The following ZBTB20 variants were observed in gnomAD, a reference collection of about 807,000 sequenced individuals.
ZBTB20 encodes zinc finger and BTB domain-containing protein 20.
A neutral mutation model predicts 56.9 loss-of-function variants in ZBTB20; 9 were observed. That is an observed-to-expected ratio of 0.16 (90% CI 0.10 to 0.28). ZBTB20 has a LOEUF of 0.28. ZBTB20 is among the 10% of genes least tolerant of loss of function. The probability of loss-of-function intolerance (pLI) is 1.00; values close to 1 mark genes in which losing one functional copy is unlikely to be tolerated. For synonymous variants in ZBTB20, 417 were observed against 420.7 expected (o/e 0.99, Z 0.11); for missense variants, 655 against 1,003.0 (o/e 0.65, Z 4.69).
intron 6 of ZBTB20, among the ~76,000 whole-genome samples, chr3:114,579,104 T>C (rs1373994617): frequency 6.6e-6 from 1 of 151,738 alleles, no homozygotes; most frequent in African/African-American, 2.4e-5. Flanking sequence ...CACAGTTCAG[T>C]ATACACAAAA....
intron 6 of ZBTB20, among the ~76,000 whole-genome samples, chr3:114,608,733 T>C (rs2057345818): frequency 6.6e-6 from 1 of 152,236 alleles, no homozygotes; most frequent in Admixed American, 6.5e-5. Flanking sequence ...GTATCAATTC[T>C]AATGTGTTCA....
chr3:115,045,321 T>C (rs950895746), intron 2 of ZBTB20, among the ~76,000 whole-genome samples: 1 of 152,162 alleles, frequency 6.6e-6, no homozygotes, highest in African/African-American at 2.4e-5. Context: ...TTTACATATA[T>C]ATGAAACATT....
At chr3:114,420,681 T>C (rs1028475291) in intron 7 of ZBTB20, among the ~76,000 whole-genome samples, 2 of 152,056 alleles carry the variant, frequency 1.3e-5, no homozygotes, top group African/African-American at 4.8e-5. Context: ...GGGGCACAAC[T>C]AGGGAAAGGG....
chr3:114,400,013 A>T (rs1307849744), intron 7 of ZBTB20, among the ~76,000 whole-genome samples: 1 of 152,186 alleles, frequency 6.6e-6, no homozygotes, highest in Non-Finnish European at 1.5e-5. Flanking sequence ...TAAGCGGGCT[A>T]GCTAATGAGT....
chr3:114,672,828 A>G (rs1295753525), intron 6 of ZBTB20, among the ~76,000 whole-genome samples: 1 of 152,148 alleles, frequency 6.6e-6, no homozygotes, highest in Non-Finnish European at 1.5e-5. Context: ...GATTGGGACT[A>G]ACAATTCTTC....
chr3:114,850,409 C>T (rs13099787), intron 4 of ZBTB20, among the ~76,000 whole-genome samples: 1 of 152,208 alleles, frequency 6.6e-6, no homozygotes, highest in African/African-American at 2.4e-5. Context: ...TGAGATACTT[C>T]ATCTTAACTA....
intron 2 of ZBTB20, among the ~76,000 whole-genome samples, chr3:115,058,224 T>G (rs2081883259): frequency 6.6e-6 from 1 of 152,190 alleles, no homozygotes; most frequent in Non-Finnish European, 1.5e-5. Context: ...TCTTCTAGTT[T>G]ATATTGTTTC....
chr3:114,383,574 T>C (rs908347069), intron 8 of ZBTB20: 6 of 152,120 alleles, frequency 3.9e-5, no homozygotes, highest in Non-Finnish European at 1.5e-5. Context: ...AACTCAACCT[T>C]TTTGGCTCAC....
chr3:114,402,956 C>G (rs187678221), intron 7 of ZBTB20, among the ~76,000 whole-genome samples: 1 of 152,078 alleles, frequency 6.6e-6, no homozygotes, highest in Admixed American at 6.6e-5. Flanking sequence ...GTGTCTGGCA[C>G]CTAAGCAAGG....
intron 3 of ZBTB20, among the ~76,000 whole-genome samples, chr3:114,905,804 T>G (rs1238345615): frequency 6.6e-6 from 1 of 151,842 alleles, no homozygotes; most frequent in African/African-American, 2.4e-5. Flanking sequence ...CTCGTTAGTT[T>G]GGCCCCACAT....
intron 4 of ZBTB20, among the ~76,000 whole-genome samples, chr3:114,834,769 T>TTC (rs1226902649): frequency 1.5e-4 from 23 of 152,114 alleles, no homozygotes. Context: ...AAGAGTCCCG[T>TTC]TCTTTGTCTG....
intron 3 of ZBTB20, among the ~76,000 whole-genome samples, chr3:114,944,133 G>C (rs1339501945): frequency 6.9e-6 from 1 of 144,956 alleles, no homozygotes; most frequent in Non-Finnish European, 1.5e-5. Context: ...CCAAACAACA[G>C]CAAAAAACTA....
intron 5 of ZBTB20, among the ~76,000 whole-genome samples, chr3:114,782,186 T>A (rs748531152): frequency 6.6e-6 from 1 of 152,234 alleles, no homozygotes. Flanking sequence ...TTTAACCTGC[T>A]GCTTTGTAAT....
intron 3 of ZBTB20, among the ~76,000 whole-genome samples, chr3:114,907,337 A>G (rs1418365986): frequency 6.6e-6 from 1 of 151,908 alleles, no homozygotes; most frequent in Non-Finnish European, 1.5e-5. Context: ...TGCTTTCAGT[A>G]TTCTTACTAA....
At chr3:114,778,296 A>AT (rs1206301643) in intron 5 of ZBTB20, among the ~76,000 whole-genome samples, 2 of 147,504 alleles carry the variant, frequency 1.4e-5, no homozygotes, top group Admixed American at 6.8e-5. Flanking sequence ...ATTCAAAAAA[A>AT]AAAGATCACA....
chr3:115,094,680 A>G (rs908759858), intron 1 of ZBTB20, among the ~76,000 whole-genome samples: 6 of 152,142 alleles, frequency 3.9e-5, no homozygotes, highest in African/African-American at 1.4e-4. Context: ...CAATTTAATT[A>G]CAACAGTAAT....
chr3:114,363,618 G>A (rs2082100291), intron 10 of ZBTB20, among the ~76,000 whole-genome samples: 1 of 152,172 alleles, frequency 6.6e-6, no homozygotes. Context: ...CAGGGATGTT[G>A]TAGGGACAAA....
At chr3:114,894,485 T>A (rs2074786314) in intron 4 of ZBTB20, among the ~76,000 whole-genome samples, 2 of 151,982 alleles carry the variant, frequency 1.3e-5, no homozygotes, top group South Asian at 4.1e-4. Context: ...TGTGTTGGAG[T>A]TCTAACCCCA....
At chr3:114,474,973 T>C (rs560709781) in intron 7 of ZBTB20, among the ~76,000 whole-genome samples, 52 of 152,308 alleles carry the variant, frequency 3.4e-4, no homozygotes, top group Non-Finnish European at 6.5e-4. Flanking sequence ...GCTCTGATTA[T>C]GTTACTCTCC....
Sources: gnomAD v4.1 joint callset for allele counts (sites outside exome capture counted in the v4.1 genomes callset) on GRCh38, gnomAD v4.1.1 for gene constraint, MANE v1.5 for transcripts, NCBI Gene and HGNC (gene_info 2026-07-23, HGNC 2026-07-21) for gene names.